The following ALG1 variants were observed in gnomAD, a reference collection of about 807,000 sequenced individuals.
ALG1 encodes the protein ALG1 chitobiosyldiphosphodolichol beta-mannosyltransferase, also known as chitobiosyldiphosphodolichol beta-mannosyltransferase.
ALG1 carries 58 observed loss-of-function variants against 55.1 expected under a neutral mutation model. The observed-to-expected ratio is 1.05, with a 90% CI of 0.85 to 1.31. The LOEUF (loss-of-function observed/expected upper bound fraction) is 1.31, where lower values mean the gene tolerates loss of function less well. Ranked by LOEUF, ALG1 falls within the 50% of genes most tolerant of loss-of-function variation. The pLI is 0.00. For synonymous variants in ALG1, 309 were observed against 247.0 expected, an observed-to-expected ratio of 1.25 and a Z score of -2.35; for missense variants, 761 against 598.6, an observed-to-expected ratio of 1.27 and a Z score of -2.83.
chr16:5,075,268 A>G (rs1190801712), intron 3 of ALG1, 120 bp from the exon 4 acceptor site: 2 of 1,127,580 alleles, frequency 1.8e-6, no homozygotes, highest in Non-Finnish European at 2.7e-6. Flanking sequence ...TCTTCTGCTT[A>G]TTATCAAGAG....
Position 5,078,821 on chromosome 16 carries a change from C to G in ALG1, c.805C>G (p.Leu269Val). ...CACGGAGCGGGATGCTGGGAGCGGG[C>G]TGGTGACGCGTCTCCGTGAGCGGCC... ...AFTERDAGSG[L>V]VTRLRERPAL... Residue 269 changes from leucine to valine, a missense_variant, in exon 7 of 13, where the codon CTG becomes GTG. By Grantham distance (32) the Leu-to-Val change is conservative (BLOSUM62 1). Transcript: ENST00000262374. 5.6e-6 allele frequency: 9 copies of G among 1,612,522 alleles called. No homozygotes were observed. Among genetic ancestry groups the G allele is most frequent in the Non-Finnish European group, 7.6e-6 (9 of 1,179,810 alleles).
At chr16:5,083,499 AC>A (rs1049686583) in intron 11 of ALG1, among the ~76,000 whole-genome samples, 182 bp from the exon 12 acceptor site, 1 of 151,692 alleles carries the variant, frequency 6.6e-6, no homozygotes, top group African/African-American at 2.4e-5. Flanking sequence ...TTTGATGTGC[AC>A]CCCCCCAGGC....
chr16:5,071,874 C>G lies in ALG1; in HGVS notation c.25C>G (p.Leu9Val), dbSNP rs771370322. MAASCLVL[L>V]ALCLLLPLLL... ...GATGGCGGCCTCATGCTTGGTCCTG[C>G]TGGCGCTGTGTCTGCTGCTGCCGCT... Residue 9 changes from leucine to valine, a missense_variant, in exon 1 of 13, where the codon CTG becomes GTG. Transcript: ENST00000262374. The G allele has an allele frequency of 2.7e-5, 43 of 1,604,716 alleles. No individual in the cohort carries two copies. Among genetic ancestry groups the G allele is most frequent in the Non-Finnish European group, 3.5e-5 (41 of 1,178,076 alleles).
In ALG1 at chr16:5,082,668, C is replaced by T. The variant is rs1386102245; in HGVS notation, c.1182C>T (p.Phe394=). 1.2e-6 allele frequency: 2 copies of T among 1,611,404 alleles called. No homozygotes were observed. Among genetic ancestry groups the T allele is most frequent in the East Asian group, 2.2e-5 (1 of 44,884 alleles). The part of the protein sequence containing the change: ...GCCLPVCAVN[F]KCLHELVKHE... ...GTTTGCCTGTGTGTGCTGTGAACTT[C>T]AAGTGGTAGGAGCAGAACCCAAATC... The change falls in exon 11 of 13, where the codon TTC becomes TTT. Residue 394 remains phenylalanine, a synonymous_variant. Coordinates refer to ENST00000262374, the MANE Select transcript of ALG1 (RefSeq NM_019109.5).
chr16:5,078,176 A>T, intron 6 of ALG1, 159 bp downstream of exon 6: 2 of 851,452 alleles, frequency 2.3e-6, no homozygotes, highest in Middle Eastern at 3.2e-4. Flanking sequence ...CTGGGACACA[A>T]CACACTCATT....
At chr16:5,084,653 T>C (rs1957084735) in intron 12 of ALG1, 97 bp from the exon 13 acceptor site, 2 of 1,553,852 alleles carry the variant, frequency 1.3e-6, no homozygotes, top group Non-Finnish European at 1.7e-6. Context: ...TTGGGAGGGG[T>C]TGTTGTTGGG....
chr16:5,082,028 G>T (rs182471812), intron 10 of ALG1, among the ~76,000 whole-genome samples: 1 of 151,342 alleles, frequency 6.6e-6, no homozygotes, highest in South Asian at 2.1e-4. Context: ...CGCAACCTCC[G>T]CCTTCCCGGG....
rs1957164678 is a variant in ALG1, at chr16:5,086,326, C to CT, written c.*1446dup. On this transcript the variant is annotated 3_prime_UTR_variant, in exon 13 of 13. Coordinates refer to ENST00000262374, the MANE Select transcript of ALG1 (RefSeq NM_019109.5). ...CTCCAGCCTGAGTGACAGGGTGAGA[C>CT]TAAGTCTCAAAAAAAAAAAAAAAAA... Among the ~76,000 whole-genome samples, 1 of 84,930 alleles carries CT rather than the reference C, an allele frequency of 1.2e-5. No individual in the cohort carries two copies. Among genetic ancestry groups the CT allele is most frequent in the African/African-American group, 4.3e-5 (1 of 23,226 alleles). 55.7% of individuals were successfully genotyped at this position (84,930 alleles called of 152,430 possible). A position where few individuals can be genotyped will look rare whatever the true frequency, so the allele number is the denominator to read the frequency against.
intron 3 of ALG1, 30 bp downstream of exon 3, chr16:5,073,286 AG>A: frequency 6.3e-7 from 1 of 1,592,078 alleles, no homozygotes; most frequent in Non-Finnish European, 8.6e-7. Flanking sequence ...TCCCTCTGTG[AG>A]AGCCATGTTA....
intron 1 of ALG1, chr16:5,072,303 A>C: frequency 1.4e-6 from 2 of 1,417,660 alleles, no homozygotes; most frequent in Admixed American, 5.4e-5. Flanking sequence ...TAATTCTCCT[A>C]GTAAGTGGAA....
chr16:5,085,454 C>A lies in ALG1; in HGVS notation c.*573C>A. ...ACCAGAACTGCTGGCAGAAAGGGGGCACCCACACGCTTAGATAGCCGATGT... is the reference window on the plus strand; with the variant it reads ...ACCAGAACTGCTGGCAGAAAGGGGGAACCCACACGCTTAGATAGCCGATGT... On this transcript the variant is annotated 3_prime_UTR_variant, in exon 13 of 13. Transcript: ENST00000262374. 1.6e-6 allele frequency: 1 copy of A among 616,194 alleles called. No individual in the cohort carries two copies. The highest frequency in any genetic ancestry group is 2.9e-5 in the East Asian group (1 of 34,930). The allele number at this position is 616,194 out of a possible 1,614,324, so 38.2% of individuals were successfully genotyped here. A position where few individuals can be genotyped will look rare whatever the true frequency, so the allele number is the denominator to read the frequency against.
intron 4 of ALG1, among the ~76,000 whole-genome samples, chr16:5,075,843 C>T (rs943666324): frequency 6.6e-6 from 1 of 152,220 alleles, no homozygotes; most frequent in African/African-American, 2.4e-5. Context: ...CCGGAACTCT[C>T]CTAGCTCTTG....
chr16:5,071,854 CG>C lies in ALG1; in HGVS notation c.7del (p.Ala3ProfsTer33). 1 of 1,603,790 alleles carries C rather than the reference CG, an allele frequency of 6.2e-7. No individual in the cohort carries two copies. Among genetic ancestry groups the C allele is most frequent in the Non-Finnish European group, 8.5e-7 (1 of 1,178,826 alleles). On this transcript the variant is annotated frameshift_variant, in exon 1 of 13. Coordinates refer to ENST00000262374, the MANE Select transcript of ALG1 (RefSeq NM_019109.5). LOFTEE classifies it high-confidence loss of function. ...GACTGCTGCGGGCCAGCCAAGATGGCGGCCTCATGCTTGGTCCTGCTGGCGC... is the reference window on the plus strand; with the variant it reads ...GACTGCTGCGGGCCAGCCAAGATGGCGCCTCATGCTTGGTCCTGCTGGCGC... M[A>X]ASCLVLLALC...
In ALG1 at chr16:5,085,674, G is replaced by A. The variant is rs756217732; in HGVS notation, c.*793G>A. ...GCATTGCCATCTCCAAGTGCTCTTC[G>A]TAGGGAAACAGTTTCTGCTCATGAC... On this transcript the variant is annotated 3_prime_UTR_variant, in exon 13 of 13. Transcript: ENST00000262374. 50 of 1,611,742 alleles carry A rather than the reference G, an allele frequency of 3.1e-5. No individual in the cohort carries two copies. The highest frequency in any genetic ancestry group is 2.1e-4 in the South Asian group (19 of 90,998).
intron 9 of ALG1, among the ~76,000 whole-genome samples, chr16:5,080,596 G>T (rs1371805253): frequency 1.3e-5 from 2 of 152,138 alleles, no homozygotes; most frequent in African/African-American, 4.8e-5. Flanking sequence ...TGGGGGCTGT[G>T]CCAGGGCAGG....
Position 5,078,802 on chromosome 16 carries a change from G to C in ALG1, c.786G>C (p.Glu262Asp). 6.2e-7 allele frequency: 1 copy of C among 1,612,846 alleles called. No homozygotes were observed. Among genetic ancestry groups the C allele is most frequent in the Non-Finnish European group, 8.5e-7 (1 of 1,179,798 alleles). ...TCACGGAGCGGTCGGCCTTCACGGA[G>C]CGGGATGCTGGGAGCGGGCTGGTGA... ...DPVTERSAFT[E>D]RDAGSGLVTR... The change falls in exon 7 of 13, where the codon GAG (glutamate) becomes GAC (aspartate). Residue 262 changes from glutamate (E) to aspartate (D), a missense_variant. Coordinates refer to ENST00000262374, the MANE Select transcript of ALG1 (RefSeq NM_019109.5).
chr16:5,085,245 A>G lies in ALG1; in HGVS notation c.*364A>G. The G allele has an allele frequency of 1.9e-6, 1 of 517,102 alleles. No individual in the cohort carries two copies. Among genetic ancestry groups the G allele is most frequent in the South Asian group, 2.1e-5 (1 of 46,990 alleles). 32.0% of individuals were successfully genotyped at this position (517,102 alleles called of 1,614,324 possible). On this transcript the variant is annotated 3_prime_UTR_variant, in exon 13 of 13. Coordinates refer to ENST00000262374, the MANE Select transcript of ALG1 (RefSeq NM_019109.5). The stretch of plus-strand genomic sequence containing the variant: ...TAACATTTTGATTCCTGTCTTGAAA[A>G]AAGCACCTGCTGCACCGTAAGCCCA...
Position 5,086,794 on chromosome 16 carries a change from G to C in ALG1, c.*1913G>C, listed in dbSNP as rs1957191109. On this transcript the variant is annotated 3_prime_UTR_variant, in exon 13 of 13. Coordinates refer to ENST00000262374, the MANE Select transcript of ALG1 (RefSeq NM_019109.5). Reference sequence around the variant, plus strand: ...TGATTCTCCTGCCTCAGTCTCCCGAGTAGCTTTGACTATAGGCGTGCACCA... The same window carrying C: ...TGATTCTCCTGCCTCAGTCTCCCGACTAGCTTTGACTATAGGCGTGCACCA... 1 of 152,236 alleles carries C rather than the reference G, an allele frequency of 6.6e-6. No individual in the cohort carries two copies. The highest frequency in any genetic ancestry group is 2.4e-5 in the African/African-American group (1 of 41,440). The allele number at this position is 152,236 out of a possible 1,614,324, so 9.4% of individuals were successfully genotyped here. A position where few individuals can be genotyped will look rare whatever the true frequency, so the allele number is the denominator to read the frequency against.
rs1483209115 is a variant in ALG1 at position 5,085,686 on chromosome 16, T to A, written c.*805T>A. The A allele has an allele frequency of 6.2e-7, 1 of 1,611,762 alleles. No individual in the cohort carries two copies. The highest frequency in any genetic ancestry group is 2.2e-5 in the East Asian group (1 of 44,902). On this transcript the variant is annotated 3_prime_UTR_variant, in exon 13 of 13. Transcript: ENST00000262374. ...CCAAGTGCTCTTCGTAGGGAAACAG[T>A]TTCTGCTCATGACGAGGTTCCACTT...
Sources: gnomAD v4.1 joint callset for allele counts (sites outside exome capture counted in the v4.1 genomes callset) on GRCh38, gnomAD v4.1.1 for gene constraint, MANE v1.5 for transcripts, NCBI Gene and HGNC (gene_info 2026-07-23, HGNC 2026-07-21) for gene names.